The following KIAA0825 variants were observed in gnomAD, a reference collection of about 807,000 sequenced individuals.
The protein encoded by KIAA0825 is uncharacterized protein KIAA0825.
In KIAA0825, 119 loss-of-function variants were observed where a neutral mutation model predicts 147.6. The ratio of observed to expected loss-of-function variants is 0.81; its 90% CI spans 0.69 to 0.94. The LOEUF (loss-of-function observed/expected upper bound fraction) is 0.94, where lower values mean the gene tolerates loss of function less well. Among genes scored for constraint, KIAA0825 ranks in the 40% least tolerant of loss-of-function variants. KIAA0825 has a pLI of 0.00. For missense variants in KIAA0825, 1,381 were observed against 1,472.7 expected, an observed-to-expected ratio of 0.94 and a Z score of 1.02; for synonymous variants, 470 against 518.1, an observed-to-expected ratio of 0.91 and a Z score of 1.26.
intron 14 of KIAA0825, among the ~76,000 whole-genome samples, chr5:94,430,625 T>C (rs1755540658): frequency 6.6e-6 from 1 of 152,240 alleles, no homozygotes. Context: ...TGGGAAAAGA[T>C]GCTGCAGAAA....
At chr5:94,404,119 T>A (rs984178214) in intron 15 of KIAA0825, among the ~76,000 whole-genome samples, 3 of 152,118 alleles carry the variant, frequency 2.0e-5, no homozygotes, top group Non-Finnish European at 4.4e-5. Flanking sequence ...ATTTTACTTA[T>A]CAGTTGACTC....
At chr5:94,349,522 A>G (rs1378313905) in intron 20 of KIAA0825, among the ~76,000 whole-genome samples, 2 of 152,260 alleles carry the variant, frequency 1.3e-5, no homozygotes, top group African/African-American at 4.8e-5. Flanking sequence ...AAGATAGACC[A>G]TATGATAAGC....
rs752734173 is a variant in KIAA0825 at position 94,537,094 on chromosome 5, AG to A, written c.32del (p.Ser11PhefsTer8). MDWDDEYSHN[S>X]FDLHCLLNSF... ...AGTTTAACAAACAATGTAGGTCAAAAGAATTATGAGAATATTCATCATCCCA... is the reference window on the plus strand; with the variant it reads ...AGTTTAACAAACAATGTAGGTCAAAAAATTATGAGAATATTCATCATCCCA... On this transcript the variant is annotated frameshift_variant, in exon 3 of 21. Coordinates refer to ENST00000682413, the MANE Select transcript of KIAA0825 (RefSeq NM_001145678.3). LOFTEE classifies it high-confidence loss of function. The A allele has an allele frequency of 1.6e-4, 250 of 1,611,374 alleles. No homozygotes were observed. The highest frequency in any genetic ancestry group is 2.0e-4 in the Non-Finnish European group (240 of 1,178,274).
intron 20 of KIAA0825, among the ~76,000 whole-genome samples, chr5:94,253,355 A>G (rs971403855): frequency 6.6e-6 from 1 of 152,154 alleles, no homozygotes; most frequent in Non-Finnish European, 1.5e-5. Flanking sequence ...ATCACCTGCA[A>G]TGCTATGAAT....
chr5:94,565,095 C>CTTTTTTTTTTTTTTTTTTTTTTTTTTTT lies in KIAA0825; in HGVS notation c.-2+17337_-2+17338insAAAAAAAAAAAAAAAAAAAAAAAAAAAA, dbSNP rs1176429699. 4.5e-4 allele frequency among the ~76,000 whole-genome samples: 24 copies of CTTTTTTTTTTTTTTTTTTTTTTTTTTTT among 52,924 alleles called. 2 individuals are homozygous for CTTTTTTTTTTTTTTTTTTTTTTTTTTTT. The highest frequency in any genetic ancestry group is 6.6e-4 in the Non-Finnish European group (18 of 27,328). The allele number at this position is 52,924 out of a possible 152,430, so 34.7% of individuals were successfully genotyped here. On this transcript the variant is annotated intron_variant, in intron 2 of 20. Transcript: ENST00000682413. ...CTCTTTCTCTCTCTTTCTTGCTTTC[C>CTTTTTTTTTTTTTTTTTTTTTTTTTTTT]TTTTTTTTTTTTTTTTTTGGTAGAG...
At chr5:94,353,925 T>C (rs1449057611) in intron 20 of KIAA0825, among the ~76,000 whole-genome samples, 2 of 152,226 alleles carry the variant, frequency 1.3e-5, no homozygotes, top group African/African-American at 4.8e-5. Context: ...ATTTACTTTG[T>C]AATCTATTAC....
intron 4 of KIAA0825, among the ~76,000 whole-genome samples, chr5:94,523,089 T>C (rs1012960782): frequency 2.0e-5 from 3 of 151,610 alleles, no homozygotes; most frequent in Non-Finnish European, 3.0e-5. Context: ...TAAAGAGACA[T>C]CTGAAATAAT....
chr5:94,384,190 T>C (rs141436716), intron 20 of KIAA0825, among the ~76,000 whole-genome samples, 178 bp downstream of exon 20: 7 of 152,304 alleles, frequency 4.6e-5, no homozygotes, highest in Admixed American at 3.9e-4. Context: ...TAAATAGCCA[T>C]ATTTTTAAAA....
chr5:94,516,714 C>T lies in KIAA0825; in HGVS notation c.970+3534G>A, dbSNP rs555073859. ...GCTGAGGCAGGAGAATGGCGTGAAC[C>T]CGGAAGTGGAGCTTGCAGTGAGCGG... On this transcript the variant is annotated intron_variant, in intron 5 of 20. Transcript: ENST00000682413. Among the ~76,000 whole-genome samples the T allele has an allele frequency of 8.1e-3, 4 of 496 alleles. No individual in the cohort carries two copies. The East Asian group carries it at 0.22, about 28-fold the overall frequency. The allele number at this position is 496 out of a possible 152,430, so 0.3% of individuals were successfully genotyped here.
At chr5:94,541,676 G>A (rs1356312826) in intron 2 of KIAA0825, among the ~76,000 whole-genome samples, 1 of 152,202 alleles carries the variant, frequency 6.6e-6, no homozygotes, top group Admixed American at 6.5e-5. Flanking sequence ...AACAAAACTT[G>A]TAAAGGGTTA....
chr5:94,242,561 C>T (rs996838299), intron 20 of KIAA0825, among the ~76,000 whole-genome samples: 11 of 151,600 alleles, frequency 7.3e-5, no homozygotes, highest in South Asian at 2.1e-4. Flanking sequence ...TTCCTTCCTT[C>T]CTACCTTCCT....
intron 20 of KIAA0825, among the ~76,000 whole-genome samples, chr5:94,343,775 T>G (rs1368884897): frequency 6.6e-6 from 1 of 152,182 alleles, no homozygotes; most frequent in Non-Finnish European, 1.5e-5. Flanking sequence ...CCTCTATCTA[T>G]CTACCCTTCC....
intron 20 of KIAA0825, among the ~76,000 whole-genome samples, chr5:94,225,481 G>GGTTA (rs1350619187): frequency 2.0e-5 from 3 of 152,184 alleles, no homozygotes; most frequent in African/African-American, 7.2e-5. Context: ...CCAACGTAAT[G>GGTTA]GTTAGGAGGT....
chr5:94,522,358 A>G (rs1291823993), intron 4 of KIAA0825, among the ~76,000 whole-genome samples: 1 of 151,678 alleles, frequency 6.6e-6, no homozygotes, highest in East Asian at 1.9e-4. Flanking sequence ...TTGTCCTTAG[A>G]TAGGACACAT....
At chr5:94,456,309 T>C (rs973587064) in intron 12 of KIAA0825, among the ~76,000 whole-genome samples, 1 of 152,212 alleles carries the variant, frequency 6.6e-6, no homozygotes, top group African/African-American at 2.4e-5. Context: ...TTCTCTGTCA[T>C]GTTCAAGTAG....
chr5:94,318,017 T>G (rs954203376), intron 20 of KIAA0825, among the ~76,000 whole-genome samples: 1 of 151,416 alleles, frequency 6.6e-6, no homozygotes, highest in Non-Finnish European at 1.5e-5. Context: ...GCCCAATTCT[T>G]ATATACCATT....
At chr5:94,474,111 C>G (rs1761550142) in intron 7 of KIAA0825, among the ~76,000 whole-genome samples, 1 of 152,128 alleles carries the variant, frequency 6.6e-6, no homozygotes, top group South Asian at 2.1e-4. Flanking sequence ...AAGTCATAAG[C>G]AGCACTACTT....
At chr5:94,302,356 G>T (rs546583721) in intron 20 of KIAA0825, among the ~76,000 whole-genome samples, 2 of 151,976 alleles carry the variant, frequency 1.3e-5, no homozygotes, top group African/African-American at 4.8e-5. Flanking sequence ...TACTTTGCTT[G>T]GTTGAAGACA....
chr5:94,535,872 A>G (rs1771900342), intron 3 of KIAA0825, among the ~76,000 whole-genome samples: 1 of 152,230 alleles, frequency 6.6e-6, no homozygotes, highest in Non-Finnish European at 1.5e-5. Context: ...ACTATGTGTG[A>G]CAAAATATGC....
Sources: gnomAD v4.1 joint callset for allele counts (sites outside exome capture counted in the v4.1 genomes callset) on GRCh38, gnomAD v4.1.1 for gene constraint, MANE v1.5 for transcripts, NCBI Gene and HGNC (gene_info 2026-07-23, HGNC 2026-07-21) for gene names.